CSMD1: variants seen among roughly 807,000 people sequenced by gnomAD.
The protein encoded by CSMD1 is CUB and sushi domain-containing protein 1.
In CSMD1, 213 loss-of-function variants were observed where a neutral mutation model predicts 417.5. The observed-to-expected ratio is 0.51, with a 90% CI of 0.46 to 0.57. CSMD1 has a LOEUF of 0.57. Among genes scored for constraint, CSMD1 ranks in the 20% least tolerant of loss-of-function variants. The pLI is 0.00. For missense variants in CSMD1, 6,923 were observed against 4,529.7 expected, an observed-to-expected ratio of 1.53 and a Z score of -15.17; for synonymous variants, 2,862 against 1,736.8, an observed-to-expected ratio of 1.65 and a Z score of -16.11.
intron 3 of CSMD1, among the ~76,000 whole-genome samples, chr8:4,336,836 A>G (rs1324379844): frequency 6.6e-6 from 1 of 152,066 alleles, no homozygotes; most frequent in Non-Finnish European, 1.5e-5. Context: ...TGGAATGAAG[A>G]TGGGGTTGAG....
At chr8:3,587,500 T>C (rs1005636231) in intron 8 of CSMD1, among the ~76,000 whole-genome samples, 1 of 134,782 alleles carries the variant, frequency 7.4e-6, no homozygotes, top group East Asian at 2.1e-4. Flanking sequence ...AGAGACAAGA[T>C]AGGGGAAACA....
At chr8:3,654,290 G>C (rs76175107) in intron 7 of CSMD1, among the ~76,000 whole-genome samples, 7,882 of 152,208 alleles carry the variant, frequency 0.052, 269 homozygotes, top group Middle Eastern at 0.088. Flanking sequence ...AAGTACAATA[G>C]AAATACAAAG....
chr8:4,753,587 C>T (rs556249479), intron 1 of CSMD1, among the ~76,000 whole-genome samples: 8 of 152,220 alleles, frequency 5.3e-5, no homozygotes, highest in Admixed American at 2.6e-4. Context: ...TCATTGGCAC[C>T]CATGAACCTG....
In CSMD1 at chr8:3,437,467, C is replaced by G. The variant is rs189938434; in HGVS notation, c.1562-27862G>C. Among the ~76,000 whole-genome samples, 32 of 152,214 alleles carry G rather than the reference C, an allele frequency of 2.1e-4. No individual in the cohort carries two copies. In the East Asian group the frequency reaches 5.2e-3, roughly 25 times the overall value. On this transcript the variant is annotated intron_variant, in intron 12 of 69. Coordinates refer to ENST00000635120, the MANE Select transcript of CSMD1 (RefSeq NM_033225.6). ...TTTGTAAACAGAATTCACATTTATT[C>G]TAATGGGACAGCGGGAAATAAGATC...
intron 3 of CSMD1, among the ~76,000 whole-genome samples, chr8:4,063,403 G>A (rs986486125): frequency 6.6e-6 from 1 of 152,018 alleles, no homozygotes; most frequent in Non-Finnish European, 1.5e-5. Context: ...ATAGATTATA[G>A]TATATATTTA....
chr8:4,691,679 C>A (rs1806777685), intron 1 of CSMD1, among the ~76,000 whole-genome samples: 1 of 152,326 alleles, frequency 6.6e-6, no homozygotes, highest in Non-Finnish European at 1.5e-5. Flanking sequence ...CATCTACCTG[C>A]CTGCCTTAAC....
chr8:3,198,501 A>T (rs1796820923), intron 33 of CSMD1, among the ~76,000 whole-genome samples: 1 of 152,224 alleles, frequency 6.6e-6, no homozygotes, highest in Non-Finnish European at 1.5e-5. Flanking sequence ...AAAAGGTGTA[A>T]CTTATAACAA....
chr8:4,268,358 C>G (rs897017997), intron 3 of CSMD1, among the ~76,000 whole-genome samples: 1 of 152,046 alleles, frequency 6.6e-6, no homozygotes, highest in South Asian at 2.1e-4. Flanking sequence ...TAATGTTTTC[C>G]TCTTGGATCA....
At chr8:4,096,394 T>A (rs974514472) in intron 3 of CSMD1, among the ~76,000 whole-genome samples, 1 of 152,054 alleles carries the variant, frequency 6.6e-6, no homozygotes, top group African/African-American at 2.4e-5. Context: ...TGCCTATGGC[T>A]CTAATCCAGA....
chr8:4,859,295 C>T (rs946793766), intron 1 of CSMD1, among the ~76,000 whole-genome samples: 11 of 152,110 alleles, frequency 7.2e-5, no homozygotes, highest in African/African-American at 2.7e-4. Context: ...AAACGTTAGA[C>T]CTAAAACCAT....
intron 1 of CSMD1, among the ~76,000 whole-genome samples, chr8:4,811,213 C>T (rs929149138): frequency 1.3e-5 from 2 of 152,028 alleles, no homozygotes; most frequent in Non-Finnish European, 2.9e-5. Flanking sequence ...TGGTGAATCA[C>T]GAGGTTCAAC....
intron 1 of CSMD1, among the ~76,000 whole-genome samples, chr8:4,666,891 T>C (rs1278885891): frequency 6.6e-6 from 1 of 152,178 alleles, no homozygotes; most frequent in African/African-American, 2.4e-5. Flanking sequence ...TTAGTGCTCC[T>C]GCTTTTTGTG....
At chr8:4,475,902 C>G (rs1035132559) in intron 2 of CSMD1, among the ~76,000 whole-genome samples, 3 of 152,258 alleles carry the variant, frequency 2.0e-5, no homozygotes, top group African/African-American at 2.4e-5. Context: ...CTTGAGCCAC[C>G]TCACCTGGCT....
Position 4,113,843 on chromosome 8 carries a change from G to T in CSMD1, c.416-81744C>A, listed in dbSNP as rs1210458654. Among the ~76,000 whole-genome samples the T allele has an allele frequency of 3.3e-5, 5 of 152,290 alleles. 1 individual carries two copies. In the South Asian group the frequency reaches 8.3e-4, roughly 25 times the overall value. On this transcript the variant is annotated intron_variant, in intron 3 of 69. Coordinates refer to ENST00000635120, the MANE Select transcript of CSMD1 (RefSeq NM_033225.6). Reference sequence around the variant, plus strand: ...TAAACCAAGGCCTACTTCAGAGCAAGCTCCTCATTTTCTTCAACTCTATGA... The same window carrying T: ...TAAACCAAGGCCTACTTCAGAGCAATCTCCTCATTTTCTTCAACTCTATGA...
chr8:3,020,208 G>A (rs940091117), intron 51 of CSMD1, among the ~76,000 whole-genome samples: 1 of 152,138 alleles, frequency 6.6e-6, no homozygotes, highest in Non-Finnish European at 1.5e-5. Flanking sequence ...AGATTCAAAC[G>A]GAAGCCATCC....
chr8:4,027,264 T>C (rs929789307), intron 4 of CSMD1, among the ~76,000 whole-genome samples: 1 of 152,168 alleles, frequency 6.6e-6, no homozygotes. Flanking sequence ...AAAGAAATGT[T>C]AGGATGAAGA....
At chr8:3,626,559 T>G (rs1796502015) in intron 7 of CSMD1, among the ~76,000 whole-genome samples, 2 of 151,732 alleles carry the variant, frequency 1.3e-5, no homozygotes, top group South Asian at 4.1e-4. Context: ...AATTAAATCT[T>G]CAAGTTTTAT....
chr8:3,223,654 G>T, intron 28 of CSMD1, 75 bp downstream of exon 28: 1 of 1,457,296 alleles, frequency 6.9e-7, no homozygotes, highest in Non-Finnish European at 9.5e-7. Context: ...GAGACTATGA[G>T]GTCATAAAAG....
intron 5 of CSMD1, among the ~76,000 whole-genome samples, chr8:3,774,954 T>C (rs1349399573): frequency 6.6e-6 from 1 of 151,382 alleles, no homozygotes; most frequent in African/African-American, 2.4e-5. Flanking sequence ...GGGAAACAGG[T>C]AGCATATACA....
Sources: gnomAD v4.1 joint callset for allele counts (sites outside exome capture counted in the v4.1 genomes callset) on GRCh38, gnomAD v4.1.1 for gene constraint, MANE v1.5 for transcripts, NCBI Gene and HGNC (gene_info 2026-07-23, HGNC 2026-07-21) for gene names.